Variants in DEPDC4 observed in about 807,000 individuals in gnomAD.
The protein encoded by DEPDC4 is DEP domain containing 4.
Under a neutral mutation model 52.0 loss-of-function variants are expected in DEPDC4, and 52 were observed. That is an observed-to-expected ratio of 1.00 (90% CI 0.80 to 1.26). The LOEUF (loss-of-function observed/expected upper bound fraction) is 1.26, where lower values mean the gene tolerates loss of function less well. Ranked by LOEUF, DEPDC4 falls within the 50% of genes most tolerant of loss-of-function variation. DEPDC4 has a pLI of 0.00. For missense variants in DEPDC4, 530 were observed against 546.9 expected, an observed-to-expected ratio of 0.97 and a Z score of 0.31; for synonymous variants, 201 against 196.8, an observed-to-expected ratio of 1.02 and a Z score of -0.18.
downstream of DEPDC4, among the ~76,000 whole-genome samples, chr12:100,235,588 C>T (rs1305601845): frequency 1.3e-5 from 2 of 148,784 alleles, no homozygotes; most frequent in African/African-American, 2.5e-5. Flanking sequence ...TTTTTTTTTT[C>T]CCCCAAGATG....
chr12:100,281,359 G>A, the DEPDC4 span, among the ~76,000 whole-genome samples: 12 of 152,162 alleles, frequency 7.9e-5, no homozygotes, highest in Admixed American at 3.9e-4. Flanking sequence ...ATAGTTGAAT[G>A]TAATTATTGT....
chr12:100,246,527 T>C (rs2096186198), intron 8 of DEPDC4, among the ~76,000 whole-genome samples: 1 of 152,190 alleles, frequency 6.6e-6, no homozygotes, highest in Non-Finnish European at 1.5e-5. Context: ...TTGTGGTGCT[T>C]ATACAAGTTC....
At chr12:100,241,887 A>G (rs2096160794) in intron 9 of DEPDC4, 42 bp from the exon 10 acceptor site, 2 of 1,151,272 alleles carry the variant, frequency 1.7e-6, no homozygotes, top group Admixed American at 4.3e-5. Context: ...GAAAAGTACC[A>G]CTGGAAAAGC....
At chr12:100,233,299 C>T (rs185158125) in intron 9 of DEPDC4, among the ~76,000 whole-genome samples, 1 of 152,212 alleles carries the variant, frequency 6.6e-6, no homozygotes, top group Admixed American at 6.5e-5. Context: ...TGCATACAGC[C>T]CCCTGAAAGA....
chr12:100,250,172 C>T (rs1283892536), intron 7 of DEPDC4, among the ~76,000 whole-genome samples: 2 of 152,152 alleles, frequency 1.3e-5, no homozygotes, highest in African/African-American at 4.8e-5. Flanking sequence ...CAGCCCATGT[C>T]AAGTTCCTTT....
At chr12:100,279,924 T>G in the DEPDC4 span, among the ~76,000 whole-genome samples, 1 of 152,260 alleles carries the variant, frequency 6.6e-6, no homozygotes, top group South Asian at 2.1e-4. Context: ...TCAGCATAGC[T>G]TCATTCACTT....
chr12:100,242,575 A>C lies in DEPDC4; in HGVS notation c.1454-6T>G, dbSNP rs1016322787. On this transcript the variant is annotated splice_region_variant and splice_polypyrimidine_tract_variant and intron_variant, in intron 8 of 9. Transcript: ENST00000550587. Reference sequence around the variant, plus strand: ...GCTGTTATTTTCAGCCATACCTTAAAGATAAAGAAATAAAGCTTGACCACA... The same window carrying C: ...GCTGTTATTTTCAGCCATACCTTAACGATAAAGAAATAAAGCTTGACCACA... The C allele has an allele frequency of 5.8e-5, 9 of 154,836 alleles. No individual in the cohort carries two copies. Among genetic ancestry groups the C allele is most frequent in the African/African-American group, 2.2e-4 (9 of 41,514 alleles). The allele number at this position is 154,836 out of a possible 1,614,324, so 9.6% of individuals were successfully genotyped here. A position where few individuals can be genotyped will look rare whatever the true frequency, so the allele number is the denominator to read the frequency against.
intron 1 of DEPDC4, among the ~76,000 whole-genome samples, chr12:100,265,098 A>C (rs1054847075): frequency 6.9e-6 from 1 of 145,766 alleles, no homozygotes; most frequent in Non-Finnish European, 1.5e-5. Context: ...CAGGATTTCA[A>C]GACTAGCTTG....
upstream of DEPDC4, among the ~76,000 whole-genome samples, chr12:100,270,071 C>G (rs574951407): frequency 6.6e-6 from 1 of 151,838 alleles, no homozygotes; most frequent in East Asian, 1.9e-4. Flanking sequence ...ACTGCAAGCT[C>G]CGCCTCCCAG....
At position 100,267,060 on chromosome 12, in the gene DEPDC4, T is replaced by TCCTCCCCTGGCA. The variant is rs763378182; in HGVS notation, c.5_16dup (p.Val2_Glu5dup). The TCCTCCCCTGGCA allele has an allele frequency of 3.1e-6, 5 of 1,613,216 alleles. No individual in the cohort carries two copies. In the African/African-American group the frequency reaches 5.3e-5, roughly 17 times the overall value. On this transcript the variant is annotated inframe_insertion, in exon 1 of 10. Coordinates refer to ENST00000550587, the MANE Select transcript of DEPDC4 (RefSeq NM_001364818.2). Reference sequence around the variant, plus strand: ...AACCGCCATAAGCTCGCGCGCTGGCTCCTCCCCTGGCACCATAGCCCCGCC... The same window carrying TCCTCCCCTGGCA: ...AACCGCCATAAGCTCGCGCGCTGGCTCCTCCCCTGGCACCTCCCCTGGCACCATAGCCCCGCC...
the DEPDC4 span, among the ~76,000 whole-genome samples, chr12:100,272,638 C>T: frequency 1.3e-5 from 2 of 152,174 alleles, no homozygotes; most frequent in African/African-American, 2.4e-5. Flanking sequence ...AGTTCTTCCC[C>T]TATAAAACAA....
intron 1 of DEPDC4, among the ~76,000 whole-genome samples, chr12:100,266,258 C>CATAAATAAAATAAAATAAAATAAA (rs2096272549): frequency 5.3e-5 from 8 of 152,022 alleles, no homozygotes; most frequent in Non-Finnish European, 8.8e-5. Flanking sequence ...GATAAAATGA[C>CATAAATAAAATAAAATAAAATAAA]AGAAATAAAA....
Position 100,240,937 on chromosome 12 carries a change from C to A in DEPDC4, c.*955G>T, listed in dbSNP as rs2096156368. On this transcript the variant is annotated 3_prime_UTR_variant, in exon 10 of 10. Transcript: ENST00000550587. The stretch of plus-strand genomic sequence containing the variant: ...GCATAGTGGCAGGTACCTATAATCC[C>A]AGCTACTCGGGAGGCTGAGGCAGGG... Among the ~76,000 whole-genome samples, 1 of 152,122 alleles carries A rather than the reference C, an allele frequency of 6.6e-6. No individual in the cohort carries two copies. The highest frequency in any genetic ancestry group is 1.5e-5 in the Non-Finnish European group (1 of 68,016).
upstream of DEPDC4, among the ~76,000 whole-genome samples, chr12:100,270,347 A>G (rs2096286286): frequency 6.6e-6 from 1 of 152,096 alleles, no homozygotes; most frequent in Non-Finnish European, 1.5e-5. Context: ...TGATCATTTA[A>G]TCTAATTTCC....
rs1393223771 is a variant in DEPDC4, at chr12:100,240,821, G to A, written c.*1071C>T. On this transcript the variant is annotated 3_prime_UTR_variant, in exon 10 of 10. Transcript: ENST00000550587. Reference sequence around the variant, plus strand: ...TAATCCCAGCACCTTGGGAGGCTAAGGTGGGCAGATCACCTGAGGTCAGGA... The same window carrying A: ...TAATCCCAGCACCTTGGGAGGCTAAAGTGGGCAGATCACCTGAGGTCAGGA... Among the ~76,000 whole-genome samples, 1 of 152,230 alleles carries A rather than the reference G, an allele frequency of 6.6e-6. No homozygotes were observed. Among genetic ancestry groups the A allele is most frequent in the African/African-American group, 2.4e-5 (1 of 41,458 alleles).
At chr12:100,267,603 G>C (rs1189920083), upstream of DEPDC4, 2 of 152,538 alleles carry the variant, frequency 1.3e-5, no homozygotes, top group Non-Finnish European at 2.9e-5. Flanking sequence ...AGCGGGGCTG[G>C]ACGAGCAGCG....
At chr12:100,245,748 A>C (rs528436755) in intron 8 of DEPDC4, among the ~76,000 whole-genome samples, 1 of 152,148 alleles carries the variant, frequency 6.6e-6, no homozygotes, top group South Asian at 2.1e-4. Context: ...CTCCAGGTCA[A>C]TCCATTCTCT....
At chr12:100,255,970 C>G (rs1197423463) in intron 4 of DEPDC4, 79 bp downstream of exon 4, 2 of 1,032,574 alleles carry the variant, frequency 1.9e-6, no homozygotes, top group African/African-American at 3.2e-5. Flanking sequence ...TGAATATTTT[C>G]TCACATCCTA....
chr12:100,258,017 A>C (rs1592896937), intron 3 of DEPDC4, among the ~76,000 whole-genome samples: 1 of 122,750 alleles, frequency 8.1e-6, no homozygotes, highest in Non-Finnish European at 1.8e-5. Context: ...AGATAGATAG[A>C]TAGATAGGGT....
Sources: gnomAD v4.1 joint callset for allele counts (sites outside exome capture counted in the v4.1 genomes callset) on GRCh38, gnomAD v4.1.1 for gene constraint, MANE v1.5 for transcripts, NCBI Gene and HGNC (gene_info 2026-07-23, HGNC 2026-07-21) for gene names.